The following ELOVL5 variants were observed in gnomAD, a reference collection of about 807,000 sequenced individuals.
The protein encoded by ELOVL5 is ELOVL fatty acid elongase 5, also known as very long chain fatty acid elongase 5.
Under a neutral mutation model 38.6 loss-of-function variants are expected in ELOVL5, and 8 were observed. The ratio of observed to expected loss-of-function variants is 0.21; its 90% confidence interval spans 0.12 to 0.37. The LOEUF (loss-of-function observed/expected upper bound fraction) is 0.37. Among genes scored for constraint, ELOVL5 ranks in the 10% least tolerant of loss-of-function variants. The pLI is 1.00. For synonymous variants in ELOVL5, 127 were observed against 133.7 expected (o/e 0.95, Z 0.34); for missense variants, 280 against 367.8 (o/e 0.76, Z 1.95).
At chr6:53,307,008 T>C (rs1280172800) in intron 1 of ELOVL5, among the ~76,000 whole-genome samples, 1 of 152,224 alleles carries the variant, frequency 6.6e-6, no homozygotes, top group Non-Finnish European at 1.5e-5. Flanking sequence ...GTGCAGGAGT[T>C]AGTCATCCTC....
intron 1 of ELOVL5, among the ~76,000 whole-genome samples, chr6:53,346,353 T>C (rs9367524): frequency 0.36 from 55,452 of 152,044 alleles, 11,285 homozygotes; most frequent in African/African-American, 0.56. Flanking sequence ...CTATTGTAAA[T>C]GGTGCTGCAA....
chr6:53,342,262 G>T (rs997464455), intron 1 of ELOVL5, among the ~76,000 whole-genome samples: 1 of 152,222 alleles, frequency 6.6e-6, no homozygotes, highest in South Asian at 2.1e-4. Context: ...CCCCTAGGGA[G>T]ATACATCACA....
At chr6:53,289,272 T>C (rs962537480) in intron 3 of ELOVL5, among the ~76,000 whole-genome samples, 3 of 152,302 alleles carry the variant, frequency 2.0e-5, no homozygotes, top group South Asian at 4.1e-4. Flanking sequence ...ATTACAGGTG[T>C]GTGACCACAG....
chr6:53,286,340 T>A (rs1156878224), intron 3 of ELOVL5, among the ~76,000 whole-genome samples: 2 of 152,090 alleles, frequency 1.3e-5, no homozygotes, highest in African/African-American at 4.8e-5. Context: ...TGTGGGAGGA[T>A]CACTTTGAGT....
At chr6:53,295,539 G>C (rs1270232163) in intron 2 of ELOVL5, 103 bp downstream of exon 2, 11 of 806,352 alleles carry the variant, frequency 1.4e-5, no homozygotes, top group Non-Finnish European at 2.2e-5. Flanking sequence ...ACTTATCATA[G>C]AAAATGCTAA....
At position 53,297,393 on chromosome 6, in the gene ELOVL5, A is replaced by G. The variant is rs995240899; in HGVS notation, c.-8-1686T>C. On this transcript the variant is annotated intron_variant, in intron 1 of 7. Coordinates refer to ENST00000304434, the MANE Select transcript of ELOVL5 (RefSeq NM_021814.5). ...GGGAAATTCCAGAAATAAACAATTCATAAGTTGTAGATTGCACACAGTTCT... is the reference window on the plus strand; with the variant it reads ...GGGAAATTCCAGAAATAAACAATTCGTAAGTTGTAGATTGCACACAGTTCT... Among the ~76,000 whole-genome samples, 7 of 152,302 alleles carry G rather than the reference A, an allele frequency of 4.6e-5. No individual in the cohort carries two copies. The South Asian group carries it at 6.2e-4, about 14-fold the overall frequency.
At chr6:53,346,947 G>A (rs149101290) in intron 1 of ELOVL5, among the ~76,000 whole-genome samples, 27 of 152,300 alleles carry the variant, frequency 1.8e-4, no homozygotes, top group African/African-American at 5.3e-4. Flanking sequence ...CCACCATTTG[G>A]CAGACTCAAT....
At chr6:53,338,942 A>G (rs530447572) in intron 1 of ELOVL5, among the ~76,000 whole-genome samples, 1 of 152,266 alleles carries the variant, frequency 6.6e-6, no homozygotes, top group East Asian at 1.9e-4. Flanking sequence ...AAGATTAGTT[A>G]TGCAACCCCC....
chr6:53,333,330 G>C (rs1306287621), intron 1 of ELOVL5, among the ~76,000 whole-genome samples: 4 of 152,142 alleles, frequency 2.6e-5, no homozygotes, highest in Non-Finnish European at 5.9e-5. Context: ...TGCTTTCTTC[G>C]TTTGGAAAAC....
chr6:53,317,411 T>C (rs1185310097), intron 1 of ELOVL5, among the ~76,000 whole-genome samples: 2 of 152,094 alleles, frequency 1.3e-5, no homozygotes, highest in East Asian at 3.8e-4. Context: ...CCAACAACGA[T>C]AGACTGGATT....
chr6:53,282,628 G>C (rs972587228), intron 3 of ELOVL5, among the ~76,000 whole-genome samples: 3 of 152,220 alleles, frequency 2.0e-5, no homozygotes, highest in Admixed American at 1.3e-4. Context: ...AGGAAACTAA[G>C]AGTGAAAAGT....
intron 3 of ELOVL5, among the ~76,000 whole-genome samples, chr6:53,285,660 G>A (rs1766540913): frequency 6.6e-6 from 1 of 152,124 alleles, no homozygotes; most frequent in African/African-American, 2.4e-5. Context: ...CCAGGCTGGA[G>A]TGCAGTGGTG....
chr6:53,338,789 T>C (rs1319764325), intron 1 of ELOVL5, among the ~76,000 whole-genome samples: 1 of 152,250 alleles, frequency 6.6e-6, no homozygotes, highest in East Asian at 1.9e-4. Context: ...TGCAGTCTCT[T>C]AACTGATGTG....
chr6:53,347,826 G>A (rs1769628126), intron 1 of ELOVL5, among the ~76,000 whole-genome samples: 1 of 152,116 alleles, frequency 6.6e-6, no homozygotes, highest in Admixed American at 6.5e-5. Context: ...GGGGCGGGGG[G>A]AACCGCCAAG....
intron 6 of ELOVL5, 110 bp downstream of exon 6, chr6:53,273,109 GA>G: frequency 9.3e-6 from 11 of 1,178,570 alleles, no homozygotes; most frequent in East Asian, 2.4e-5. Flanking sequence ...TACATCAAAT[GA>G]AAAAGGGTGG....
At chr6:53,340,310 A>G (rs1017722670) in intron 1 of ELOVL5, among the ~76,000 whole-genome samples, 17 of 152,152 alleles carry the variant, frequency 1.1e-4, no homozygotes, top group Non-Finnish European at 5.9e-5. Flanking sequence ...GATATTGCCC[A>G]GGCTGGTCTT....
At chr6:53,329,266 C>T (rs543237246) in intron 1 of ELOVL5, among the ~76,000 whole-genome samples, 66 of 151,998 alleles carry the variant, frequency 4.3e-4, no homozygotes, top group Non-Finnish European at 8.4e-4. Context: ...TTGAAAAATA[C>T]GTTTTTATAT....
Position 53,273,329 on chromosome 6 carries a change from G to A in ELOVL5, c.512C>T (p.Thr171Ile). 1 of 1,613,420 alleles carries A rather than the reference G, an allele frequency of 6.2e-7. No homozygotes were observed. The highest frequency in any genetic ancestry group is 8.5e-7 in the Non-Finnish European group (1 of 1,179,560). The stretch of plus-strand genomic sequence containing the variant: ...GAGGACGTGGATGAAGCTATTAAGT[G>A]TGGCACCAAAATAAGCTGCAGGAAC... Reference protein sequence around the residue: ...VPCGHSYFGATLNSFIHVLMY... With the variant: ...VPCGHSYFGAILNSFIHVLMY... The change falls in exon 6 of 8, where the codon ACA becomes ATA. Residue 171 changes from threonine to isoleucine, a missense_variant. Physicochemically the swap from Thr to Ile is moderately conservative, Grantham distance 89. Transcript: ENST00000304434.
intron 5 of ELOVL5, among the ~76,000 whole-genome samples, chr6:53,273,825 G>T (rs1027267053): frequency 5.3e-5 from 8 of 152,214 alleles, no homozygotes; most frequent in African/African-American, 1.7e-4. Context: ...GCAGTGCTGA[G>T]GTCATACATT....
Sources: gnomAD v4.1 joint callset for allele counts (sites outside exome capture counted in the v4.1 genomes callset) on GRCh38, gnomAD v4.1.1 for gene constraint, MANE v1.5 for transcripts, NCBI Gene and HGNC (gene_info 2026-07-23, HGNC 2026-07-21) for gene names.